Variants in MACROD2 observed in about 807,000 individuals in gnomAD.
MACROD2 encodes the protein mono-ADP ribosylhydrolase 2.
In MACROD2, 36 loss-of-function variants were observed where a neutral mutation model predicts 70.4. The observed-to-expected ratio is 0.51, with a 90% CI of 0.39 to 0.68. MACROD2 has a LOEUF of 0.68. Ranked by LOEUF, MACROD2 falls within the 30% of genes least tolerant of loss-of-function variation. MACROD2 has a pLI of 0.00. For synonymous variants in MACROD2, 172 were observed against 178.8 expected (o/e 0.96, Z 0.30); for missense variants, 496 against 538.4 (o/e 0.92, Z 0.78).
At chr20:14,746,523 G>A (rs1490861781) in intron 5 of MACROD2, among the ~76,000 whole-genome samples, 1 of 151,972 alleles carries the variant, frequency 6.6e-6, no homozygotes, top group Non-Finnish European at 1.5e-5. Context: ...GTGTGTGTCT[G>A]TGTCTGTGTG....
In MACROD2 at chr20:15,017,607, C is replaced by A. The variant is rs1307779612; in HGVS notation, c.419-212333C>A. ...CCCCACATTTGCCTTCTGCACTGCC[C>A]TAGCAGAGGTTCTCCATGAGGGCAC... On this transcript the variant is annotated intron_variant, in intron 5 of 17. Transcript: ENST00000684519. Among the ~76,000 whole-genome samples, 4 of 152,350 alleles carry A rather than the reference C, an allele frequency of 2.6e-5. No individual in the cohort carries two copies. The South Asian group carries it at 8.3e-4, about 32-fold the overall frequency.
chr20:14,472,817 G>T (rs888778521), intron 3 of MACROD2, among the ~76,000 whole-genome samples: 3 of 152,066 alleles, frequency 2.0e-5, no homozygotes. Context: ...CCTGGTATTT[G>T]GTGGTCCTGG....
At chr20:14,078,506 A>G (rs1476312598) in intron 2 of MACROD2, among the ~76,000 whole-genome samples, 1 of 152,086 alleles carries the variant, frequency 6.6e-6, no homozygotes, top group Non-Finnish European at 1.5e-5. Context: ...TCCCAGGTTC[A>G]AGCGATTCTC....
At chr20:15,308,431 C>G (rs1302159070) in intron 6 of MACROD2, among the ~76,000 whole-genome samples, 1 of 151,986 alleles carries the variant, frequency 6.6e-6, no homozygotes, top group Non-Finnish European at 1.5e-5. Flanking sequence ...TTTGCAAGGT[C>G]TAATTATGGA....
chr20:14,468,643 C>T (rs2084488702), intron 3 of MACROD2, among the ~76,000 whole-genome samples: 1 of 151,982 alleles, frequency 6.6e-6, no homozygotes, highest in African/African-American at 2.4e-5. Context: ...TCCTGAGTAG[C>T]TGAGATTACA....
At chr20:14,596,895 G>A (rs1982179612) in intron 4 of MACROD2, among the ~76,000 whole-genome samples, 2 of 152,226 alleles carry the variant, frequency 1.3e-5, no homozygotes, top group Non-Finnish European at 2.9e-5. Flanking sequence ...GATGCAGCCT[G>A]TTATCATTTG....
chr20:15,368,870 G>A (rs1368693167), intron 6 of MACROD2, among the ~76,000 whole-genome samples: 1 of 152,148 alleles, frequency 6.6e-6, no homozygotes, highest in African/African-American at 2.4e-5. Context: ...GGGTTCATTA[G>A]TGTTTGATAT....
intron 3 of MACROD2, among the ~76,000 whole-genome samples, chr20:14,229,306 A>G (rs1225960540): frequency 6.6e-6 from 1 of 152,222 alleles, no homozygotes; most frequent in African/African-American, 2.4e-5. Flanking sequence ...CTGGGAGAAA[A>G]CTTTGTAAAT....
intron 8 of MACROD2, among the ~76,000 whole-genome samples, chr20:15,829,895 T>G (rs1299514957): frequency 6.6e-6 from 1 of 151,620 alleles, no homozygotes; most frequent in Non-Finnish European, 1.5e-5. Flanking sequence ...AAAGCAGGAG[T>G]TGAATCTGGA....
intron 5 of MACROD2, among the ~76,000 whole-genome samples, chr20:15,052,833 T>C (rs1450660879): frequency 2.6e-5 from 4 of 152,240 alleles, no homozygotes; most frequent in Non-Finnish European, 5.9e-5. Flanking sequence ...GCTAGGCCTC[T>C]TGTGCCAAAT....
At chr20:15,550,846 A>C (rs532306624) in intron 8 of MACROD2, among the ~76,000 whole-genome samples, 1 of 152,324 alleles carries the variant, frequency 6.6e-6, no homozygotes, top group South Asian at 2.1e-4. Flanking sequence ...TGTAAGGATG[A>C]GAAAACAGTC....
chr20:14,800,092 A>G, intron 5 of MACROD2, among the ~76,000 whole-genome samples: 1 of 151,444 alleles, frequency 6.6e-6, no homozygotes, highest in East Asian at 1.9e-4. Flanking sequence ...GGATGGTCCC[A>G]GTCACAGAAA....
At chr20:15,271,053 G>T (rs1018751417) in intron 6 of MACROD2, among the ~76,000 whole-genome samples, 1 of 152,056 alleles carries the variant, frequency 6.6e-6, no homozygotes, top group Non-Finnish European at 1.5e-5. Context: ...TAAGCTTCAG[G>T]CCCCACAAAA....
chr20:14,794,149 T>A (rs2072483868), intron 5 of MACROD2, among the ~76,000 whole-genome samples: 1 of 152,126 alleles, frequency 6.6e-6, no homozygotes, highest in African/African-American at 2.4e-5. Flanking sequence ...CCTCAAAGAC[T>A]GGAGAACTCA....
intron 5 of MACROD2, among the ~76,000 whole-genome samples, chr20:15,211,442 C>T (rs187884363): frequency 6.6e-6 from 1 of 152,246 alleles, no homozygotes; most frequent in Admixed American, 6.5e-5. Flanking sequence ...GAAATGTAAT[C>T]CCCAATGTTG....
At chr20:14,155,332 C>A (rs1342516303) in intron 3 of MACROD2, among the ~76,000 whole-genome samples, 1 of 152,106 alleles carries the variant, frequency 6.6e-6, no homozygotes, top group African/African-American at 2.4e-5. Flanking sequence ...TTAAAAATTT[C>A]TTCCGAGATT....
chr20:15,544,342 A>G (rs1262186618), intron 8 of MACROD2, among the ~76,000 whole-genome samples: 1 of 152,230 alleles, frequency 6.6e-6, no homozygotes, highest in African/African-American at 2.4e-5. Context: ...TTTTAAGAAT[A>G]TAGACTCTGA....
chr20:15,617,234 T>A (rs1484045483), intron 8 of MACROD2, among the ~76,000 whole-genome samples: 1 of 152,234 alleles, frequency 6.6e-6, no homozygotes, highest in Non-Finnish European at 1.5e-5. Context: ...GTGTGCATAA[T>A]TCAAATGTGG....
chr20:14,561,644 A>G (rs1469521282), intron 4 of MACROD2, among the ~76,000 whole-genome samples: 1 of 151,858 alleles, frequency 6.6e-6, no homozygotes, highest in Admixed American at 6.6e-5. Flanking sequence ...TTATTATCTC[A>G]GTTTACATAT....
Sources: gnomAD v4.1 joint callset for allele counts (sites outside exome capture counted in the v4.1 genomes callset) on GRCh38, gnomAD v4.1.1 for gene constraint, MANE v1.5 for transcripts, NCBI Gene and HGNC (gene_info 2026-07-23, HGNC 2026-07-21) for gene names.